Variants in GPM6A observed in about 807,000 individuals in gnomAD.
The protein encoded by GPM6A is neuronal membrane glycoprotein M6-a.
In GPM6A, 7 loss-of-function variants were observed where a neutral mutation model predicts 32.1. The observed-to-expected ratio is 0.22, with a 90% CI of 0.12 to 0.41. The LOEUF is 0.41. Among genes scored for constraint, GPM6A ranks in the 10% least tolerant of loss-of-function variants. The probability of loss-of-function intolerance (pLI) is 1.00; values close to 1 mark genes in which losing one functional copy is unlikely to be tolerated. For missense variants in GPM6A, 235 were observed against 347.2 expected (o/e 0.68, Z 2.57); for synonymous variants, 130 against 123.4 (o/e 1.05, Z -0.35).
chr4:175,725,993 CTTTTTT>C (rs377474451), intron 1 of GPM6A, among the ~76,000 whole-genome samples: 1 of 121,958 alleles, frequency 8.2e-6, no homozygotes, highest in East Asian at 2.3e-4. Flanking sequence ...CCTGTTTCTT[CTTTTTT>C]TTTTTTTTTT....
In GPM6A at chr4:175,833,592, G is replaced by A. The variant is rs1419308239; in HGVS notation, c.-22-21343C>T. Among the ~76,000 whole-genome samples, 7 of 152,074 alleles carry A rather than the reference G, an allele frequency of 4.6e-5. No homozygotes were observed. In the East Asian group the frequency reaches 1.2e-3, roughly 25 times the overall value. On this transcript the variant is annotated intron_variant, in intron 1 of 7. Transcript: ENST00000280187. ...TTTTGGTGAAGTCTAATTCAGCTTCGTGTTGTTCCCAGTAGAGTAATTAAG... is the reference window on the plus strand; with the variant it reads ...TTTTGGTGAAGTCTAATTCAGCTTCATGTTGTTCCCAGTAGAGTAATTAAG...
chr4:175,693,735 A>G (rs947845623), intron 2 of GPM6A, among the ~76,000 whole-genome samples: 2 of 152,112 alleles, frequency 1.3e-5, no homozygotes, highest in East Asian at 3.9e-4. Flanking sequence ...GAATGAAACT[A>G]TCGTGTTCTT....
chr4:175,960,485 T>C (rs1740129960), intron 1 of GPM6A, among the ~76,000 whole-genome samples: 1 of 152,200 alleles, frequency 6.6e-6, no homozygotes, highest in African/African-American at 2.4e-5. Flanking sequence ...GCAGGTTTGT[T>C]ACATAGATAA....
intron 1 of GPM6A, among the ~76,000 whole-genome samples, chr4:175,728,084 C>A (rs1235472605): frequency 1.3e-5 from 2 of 151,082 alleles, no homozygotes; most frequent in Non-Finnish European, 2.9e-5. Flanking sequence ...TTCTTACATA[C>A]TTCTGGTAAC....
chr4:175,669,121 T>C (rs751361865), intron 3 of GPM6A, among the ~76,000 whole-genome samples: 11 of 152,240 alleles, frequency 7.2e-5, no homozygotes, highest in Non-Finnish European at 8.8e-5. Flanking sequence ...ATAGTAGGTA[T>C]AGTATGGGCA....
rs560038202 is a variant in GPM6A at position 175,737,838 on chromosome 4, A to C, written c.38-36071T>G. On this transcript the variant is annotated intron_variant, in intron 1 of 6. Coordinates refer to ENST00000393658, the MANE Select transcript of GPM6A (RefSeq NM_201591.3). ...AAACAACCAACTCTTGTATGAACTAATAGAGCAAGAATTCACCAATTACTT... is the reference window on the plus strand; with the variant it reads ...AAACAACCAACTCTTGTATGAACTACTAGAGCAAGAATTCACCAATTACTT... Among the ~76,000 whole-genome samples the C allele has an allele frequency of 5.7e-4, 87 of 152,264 alleles. No individual in the cohort carries two copies. In the Middle Eastern group the frequency reaches 0.01, roughly 18 times the overall value.
chr4:175,825,938 G>A (rs1735421551), intron 1 of GPM6A, among the ~76,000 whole-genome samples: 1 of 152,058 alleles, frequency 6.6e-6, no homozygotes, highest in Non-Finnish European at 1.5e-5. Context: ...TCAGAATTTT[G>A]GGAGTCCGAG....
intron 1 of GPM6A, among the ~76,000 whole-genome samples, chr4:175,773,885 A>G (rs1266084940): frequency 2.6e-5 from 4 of 152,204 alleles, no homozygotes; most frequent in Non-Finnish European, 5.9e-5. Flanking sequence ...AATTTTCAAT[A>G]CACAAATTGT....
intron 1 of GPM6A, among the ~76,000 whole-genome samples, chr4:175,831,774 C>T (rs1271663807): frequency 8.4e-6 from 1 of 119,110 alleles, no homozygotes; most frequent in Non-Finnish European, 1.6e-5. Context: ...GGCTGGAGTG[C>T]GCTATCTTAG....
chr4:175,756,575 C>A (rs561738134), intron 1 of GPM6A, among the ~76,000 whole-genome samples: 1 of 152,010 alleles, frequency 6.6e-6, no homozygotes, highest in East Asian at 1.9e-4. Context: ...GGACATGGAG[C>A]CAGTAGAAGG....
chr4:175,670,510 G>A (rs1742995240), intron 3 of GPM6A, among the ~76,000 whole-genome samples: 2 of 152,100 alleles, frequency 1.3e-5, no homozygotes, highest in Admixed American at 1.3e-4. Context: ...ACTTAAAAAG[G>A]TCATGTTCAA....
chr4:175,648,090 G>T (rs941385791), intron 4 of GPM6A, among the ~76,000 whole-genome samples: 1 of 151,736 alleles, frequency 6.6e-6, no homozygotes, highest in Admixed American at 6.6e-5. Flanking sequence ...AGTATAGAAA[G>T]AAATAATATA....
chr4:175,807,343 C>A (rs1734734735), intron 1 of GPM6A: 1 of 152,298 alleles, frequency 6.6e-6, no homozygotes. Context: ...TCAGCTTCGA[C>A]TCACCAGGTT....
At chr4:175,774,739 CA>C in intron 1 of GPM6A, among the ~76,000 whole-genome samples, 1 of 152,166 alleles carries the variant, frequency 6.6e-6, no homozygotes, top group East Asian at 1.9e-4. Flanking sequence ...CATTAAACTA[CA>C]ATTAATCAGT....
At chr4:175,918,088 A>C (rs1738551827) in intron 1 of GPM6A, among the ~76,000 whole-genome samples, 1 of 152,076 alleles carries the variant, frequency 6.6e-6, no homozygotes, top group African/African-American at 2.4e-5. Flanking sequence ...CCCACAATGA[A>C]AATTTCTATA....
chr4:175,794,468 T>G (rs1734137587), intron 1 of GPM6A, among the ~76,000 whole-genome samples: 1 of 152,230 alleles, frequency 6.6e-6, no homozygotes, highest in Non-Finnish European at 1.5e-5. Context: ...AACAAGGAAT[T>G]GTTTATTCAC....
intron 1 of GPM6A, among the ~76,000 whole-genome samples, chr4:175,797,177 C>T (rs1057085596): frequency 2.6e-5 from 4 of 152,090 alleles, no homozygotes; most frequent in Non-Finnish European, 4.4e-5. Flanking sequence ...AATTCAACAG[C>T]ACATGGTAAT....
At position 175,743,012 on chromosome 4, in the gene GPM6A, T is replaced by A. The variant is rs1731950826; in HGVS notation, c.38-41245A>T. Among the ~76,000 whole-genome samples, 3 of 152,052 alleles carry A rather than the reference T, an allele frequency of 2.0e-5. No individual in the cohort carries two copies. In the South Asian group the frequency reaches 6.2e-4, roughly 31 times the overall value. ...AAAGAAAAAATAAATTAATAATAATTATTTCAAGTGTTAAAATATTTTGCA... is the reference window on the plus strand; with the variant it reads ...AAAGAAAAAATAAATTAATAATAATAATTTCAAGTGTTAAAATATTTTGCA... On this transcript the variant is annotated intron_variant, in intron 1 of 6. Coordinates refer to ENST00000393658, the MANE Select transcript of GPM6A (RefSeq NM_201591.3).
chr4:175,833,881 T>A (rs189710023), intron 1 of GPM6A, among the ~76,000 whole-genome samples: 19 of 152,216 alleles, frequency 1.2e-4, no homozygotes, highest in Non-Finnish European at 2.4e-4. Flanking sequence ...AGCCCTTACA[T>A]GAGTCAGTAA....
Sources: allele counts gnomAD v4.1 joint callset (sites outside exome capture counted in the v4.1 genomes callset), GRCh38; gene constraint gnomAD v4.1.1; transcripts MANE v1.5; gene names NCBI Gene and HGNC (gene_info 2026-07-23, HGNC 2026-07-21).